Variants in LNPEP observed in about 807,000 individuals in gnomAD.
The protein encoded by LNPEP is leucyl and cystinyl aminopeptidase.
A neutral mutation model predicts 120.6 loss-of-function variants in LNPEP; 64 were observed. That is an observed-to-expected ratio of 0.53 (90% CI 0.43 to 0.65). LNPEP has a LOEUF of 0.65. LNPEP is among the 30% of genes least tolerant of loss of function. The pLI is 0.00. For synonymous variants in LNPEP, 435 were observed against 425.4 expected, an observed-to-expected ratio of 1.02 and a Z score of -0.28; for missense variants, 1,057 against 1,200.0, an observed-to-expected ratio of 0.88 and a Z score of 1.76.
At chr5:96,944,676 C>T (rs1409717432) in intron 1 of LNPEP, among the ~76,000 whole-genome samples, 1 of 136,794 alleles carries the variant, frequency 7.3e-6, no homozygotes, top group East Asian at 2.5e-4. Context: ...TCAAGCAATT[C>T]TTGTGCCTCA....
At chr5:97,000,965 A>G (rs771909070) in intron 8 of LNPEP, among the ~76,000 whole-genome samples, 2 of 152,202 alleles carry the variant, frequency 1.3e-5, no homozygotes, top group Non-Finnish European at 2.9e-5. Context: ...TAGAGTAAGC[A>G]GAGGAGAAAG....
chr5:97,009,842 T>A (rs1197940312), intron 11 of LNPEP, among the ~76,000 whole-genome samples: 2 of 152,212 alleles, frequency 1.3e-5, no homozygotes, highest in Non-Finnish European at 2.9e-5. Context: ...TTATTTTTTC[T>A]ATTCTCAAAA....
chr5:97,005,769 AG>A (rs1790764763), intron 9 of LNPEP, among the ~76,000 whole-genome samples: 2 of 152,166 alleles, frequency 1.3e-5, no homozygotes, highest in Admixed American at 6.5e-5. Context: ...TGATGAATTT[AG>A]GGATTTTAAT....
rs763245140 is a variant in LNPEP, at chr5:96,993,044, T to C, written c.1161T>C (p.Ile387=). The C allele has an allele frequency of 1.3e-6, 2 of 1,596,654 alleles. No individual in the cohort carries two copies. Among genetic ancestry groups the C allele is most frequent in the East Asian group, 2.2e-5 (1 of 44,660 alleles). The change falls in exon 5 of 18, where the codon ATT becomes ATC. Residue 387 remains isoleucine (I), a synonymous_variant. Transcript: ENST00000231368. Reference sequence around the variant, plus strand: ...CTATATATGCTGTACCAGAAAAGATTGGTCAAGTTCATTATGCCTTGGAAA... The same window carrying C: ...CTATATATGCTGTACCAGAAAAGATCGGTCAAGTTCATTATGCCTTGGAAA... ...LVSIYAVPEK[I]GQVHYALETT...
intron 1 of LNPEP, among the ~76,000 whole-genome samples, chr5:96,949,054 A>G (rs1328067024): frequency 6.6e-6 from 1 of 152,242 alleles, no homozygotes; most frequent in Non-Finnish European, 1.5e-5. Context: ...TGGTTTGAGC[A>G]TATTCCAGCC....
chr5:96,964,325 G>A (rs1789677354), intron 1 of LNPEP, among the ~76,000 whole-genome samples: 1 of 150,950 alleles, frequency 6.6e-6, no homozygotes, highest in Admixed American at 6.6e-5. Flanking sequence ...ATGTTTGAGA[G>A]GTTTATTTCT....
chr5:96,988,432 G>C (rs564514782), intron 4 of LNPEP, among the ~76,000 whole-genome samples: 1 of 146,808 alleles, frequency 6.8e-6, no homozygotes, highest in African/African-American at 2.5e-5. Context: ...TCTGCCTCCC[G>C]GGTTCAAGCA....
chr5:96,949,969 T>C (rs1382821811), intron 1 of LNPEP, among the ~76,000 whole-genome samples: 1 of 152,210 alleles, frequency 6.6e-6, no homozygotes, highest in Non-Finnish European at 1.5e-5. Context: ...ACCTTTCCTT[T>C]TTCTGTAAAC....
chr5:96,940,757 T>G (rs773303804), intron 1 of LNPEP, among the ~76,000 whole-genome samples: 2 of 152,194 alleles, frequency 1.3e-5, no homozygotes, highest in Non-Finnish European at 2.9e-5. Context: ...GATGTTGGGA[T>G]GGACCTAGAT....
chr5:96,940,212 C>A (rs1789019317), intron 1 of LNPEP, among the ~76,000 whole-genome samples: 1 of 152,080 alleles, frequency 6.6e-6, no homozygotes, highest in Non-Finnish European at 1.5e-5. Context: ...CAAAAACTGT[C>A]TTGATACATG....
At chr5:96,992,666 A>C (rs1422843049) in intron 4 of LNPEP, among the ~76,000 whole-genome samples, 2 of 152,058 alleles carry the variant, frequency 1.3e-5, no homozygotes, top group Non-Finnish European at 2.9e-5. Flanking sequence ...GGGCAGCTAC[A>C]GGTAATGGGA....
chr5:97,024,596 C>A lies in LNPEP; in HGVS notation c.2637C>A (p.Gly879=), dbSNP rs140219249. The A allele has an allele frequency of 1.2e-6, 2 of 1,613,970 alleles. No individual in the cohort carries two copies. The highest frequency in any genetic ancestry group is 1.1e-5 in the South Asian group (1 of 91,070). The part of the protein sequence containing the change: ...KTDKGWSFLL[G]KYISIGSEAE... ...ACAAAGGCTGGTCATTCCTTTTGGG[C>A]AAATACATTTCTATAGGCTCTGAAG... The change falls in exon 15 of 18, where the codon GGC becomes GGA. Residue 879 remains glycine, a synonymous_variant. Coordinates refer to ENST00000231368, the MANE Select transcript of LNPEP (RefSeq NM_005575.3).
Position 97,027,776 on chromosome 5 carries a change from T to A in LNPEP, c.2908T>A (p.Ser970Thr). The change falls in exon 17 of 18, where the codon TCA (serine) becomes ACA (threonine). Residue 970 changes from serine (S) to threonine (T), a missense_variant. Coordinates refer to ENST00000231368, the MANE Select transcript of LNPEP (RefSeq NM_005575.3). ...SYTIQNIVAG[S>T]TYLFSTKTHL... ...TACCATACAAAATATTGTTGCTGGA[T>A]CAACTTACCTGTTTTCAACAAAGAC... 1 of 1,610,190 alleles carries A rather than the reference T, an allele frequency of 6.2e-7. No homozygotes were observed. The highest frequency in any genetic ancestry group is 8.5e-7 in the Non-Finnish European group (1 of 1,176,370).
chr5:96,968,258 A>G (rs1789774881), intron 1 of LNPEP, among the ~76,000 whole-genome samples: 1 of 152,066 alleles, frequency 6.6e-6, no homozygotes, highest in Non-Finnish European at 1.5e-5. Flanking sequence ...GGATACTGGC[A>G]GGGCAACCAG....
chr5:96,956,089 T>C (rs1789460226), intron 1 of LNPEP, among the ~76,000 whole-genome samples: 1 of 120,566 alleles, frequency 8.3e-6, no homozygotes, highest in South Asian at 2.6e-4. Flanking sequence ...TTTTGTGAAA[T>C]GGCTGTTTAA....
chr5:96,936,635 CG>C (rs919578736), intron 1 of LNPEP: 4 of 32,222 alleles, frequency 1.2e-4, no homozygotes, highest in Non-Finnish European at 2.5e-4. Flanking sequence ...CCTAATAGGG[CG>C]GGGTGGGGGT....
At chr5:97,017,320 G>A (rs186974474) in intron 13 of LNPEP, among the ~76,000 whole-genome samples, 56 of 151,620 alleles carry the variant, frequency 3.7e-4, no homozygotes, top group South Asian at 8.3e-4. Context: ...CTATTAAATC[G>A]TCTGCCTTTT....
intron 17 of LNPEP, 83 bp downstream of exon 17, chr5:97,027,897 G>T: frequency 1.3e-6 from 1 of 792,800 alleles, no homozygotes. Context: ...GTGAGATGGT[G>T]GATTTTCATG....
chr5:97,034,855 C>T lies in LNPEP; in HGVS notation c.*6322C>T, dbSNP rs920383444. ...TCTATGAAAAATATCCCATACTCCC[C>T]ATCCCTCATTGCCTAGGGGGCAATG... On this transcript the variant is annotated 3_prime_UTR_variant, in exon 18 of 18. Transcript: ENST00000231368. 1.3e-5 allele frequency: 2 copies of T among 152,058 alleles called. No individual in the cohort carries two copies. The highest frequency in any genetic ancestry group is 2.9e-5 in the Non-Finnish European group (2 of 67,994). 9.4% of individuals were successfully genotyped at this position (152,058 alleles called of 1,614,324 possible).
Sources: gnomAD v4.1 joint callset for allele counts (sites outside exome capture counted in the v4.1 genomes callset) on GRCh38, gnomAD v4.1.1 for gene constraint, MANE v1.5 for transcripts, NCBI Gene and HGNC (gene_info 2026-07-23, HGNC 2026-07-21) for gene names.